Variants in TENM3 observed in about 807,000 individuals in gnomAD.
TENM3 encodes the protein teneurin-3.
In TENM3, 63 loss-of-function variants were observed where a neutral mutation model predicts 255.1. That is an observed-to-expected ratio of 0.25 (90% CI 0.20 to 0.30). TENM3 has a LOEUF of 0.30. TENM3 is among the 10% of genes least tolerant of loss of function. The pLI, the probability that TENM3 is intolerant of heterozygous loss-of-function variation, is 1.00. For synonymous variants in TENM3, 1,306 were observed against 1,322.3 expected (o/e 0.99, Z 0.27); for missense variants, 2,929 against 3,461.1 (o/e 0.85, Z 3.86).
At chr4:182,221,756 C>A (rs1331640897) in intron 1 of TENM3, among the ~76,000 whole-genome samples, 1 of 152,158 alleles carries the variant, frequency 6.6e-6, no homozygotes, top group Non-Finnish European at 1.5e-5. Flanking sequence ...AAAATCCTGG[C>A]ATTTGATGTC....
At chr4:181,836,625 A>G in the TENM3 span, among the ~76,000 whole-genome samples, 10 of 152,052 alleles carry the variant, frequency 6.6e-5, no homozygotes, top group Non-Finnish European at 1.3e-4. Flanking sequence ...CTTGGATACT[A>G]CTCTATTTCA....
At chr4:181,924,842 A>G in the TENM3 span, among the ~76,000 whole-genome samples, 1 of 152,220 alleles carries the variant, frequency 6.6e-6, no homozygotes, top group South Asian at 2.1e-4. Flanking sequence ...ATACTGTGAC[A>G]TTGATTGCAA....
chr4:181,628,490 C>T, the TENM3 span, among the ~76,000 whole-genome samples: 1 of 152,072 alleles, frequency 6.6e-6, no homozygotes, highest in African/African-American at 2.4e-5. Flanking sequence ...GTCCTTAATC[C>T]ATCTTGAATT....
intron 24 of TENM3, among the ~76,000 whole-genome samples, chr4:182,783,647 G>A (rs1262648374): frequency 1.3e-5 from 2 of 151,892 alleles, no homozygotes; most frequent in Non-Finnish European, 2.9e-5. Context: ...ATCCTGCAGA[G>A]TGTTTTCCAA....
At chr4:182,284,234 G>T (rs181809955) in intron 1 of TENM3, among the ~76,000 whole-genome samples, 2 of 152,088 alleles carry the variant, frequency 1.3e-5, no homozygotes, top group African/African-American at 4.8e-5. Flanking sequence ...GCATGAAATC[G>T]GAGCATTGCC....
rs1762616131 is a variant in TENM3 at position 182,754,857 on chromosome 4, C to G, written c.4490C>G (p.Ala1497Gly). Residue 1497 changes from alanine to glycine, a missense_variant, in exon 22 of 28, where the codon GCT becomes GGT. Around this residue, in one of 6 missense-constraint regions of TENM3, gnomAD observed 1,608 missense variants for 1,884.4 expected, o/e 0.85. Transcript: ENST00000511685. The surrounding 1 kb of genome is among the most constrained non-coding windows in gnomAD (Gnocchi z 5.1). ...IADLGNIRIR[A>G]VSKNKPLLNS... ...GATCTAGGGAATATCCGGATCCGGG[C>G]TGTGTCAAAGAATAAGCCTTTACTT... The G allele has an allele frequency of 6.2e-7, 1 of 1,614,004 alleles. No homozygotes were observed. The highest frequency in any genetic ancestry group is 1.1e-5 in the South Asian group (1 of 91,086).
intron 3 of TENM3, among the ~76,000 whole-genome samples, chr4:182,384,404 G>A (rs749822354): frequency 4.0e-5 from 6 of 151,552 alleles, no homozygotes; most frequent in Non-Finnish European, 8.8e-5. Context: ...AGGTGTCACT[G>A]AGGAGTTTTA....
intron 3 of TENM3, among the ~76,000 whole-genome samples, chr4:182,591,176 A>G (rs932616548): frequency 1.3e-5 from 2 of 152,204 alleles, no homozygotes; most frequent in African/African-American, 4.8e-5. Context: ...TATAGCAAGG[A>G]AGTTGGCAGT....
At chr4:182,082,227 A>G in the TENM3 span, among the ~76,000 whole-genome samples, 1 of 152,164 alleles carries the variant, frequency 6.6e-6, no homozygotes. Context: ...TCTTGTTCGT[A>G]GGTGGCACCT....
At chr4:182,781,895 G>C in intron 24 of TENM3, among the ~76,000 whole-genome samples, 1 of 150,726 alleles carries the variant, frequency 6.6e-6, no homozygotes, top group South Asian at 2.1e-4. Context: ...GGGATCGGTG[G>C]TGATATCCCC....
At chr4:181,963,675 G>A in the TENM3 span, among the ~76,000 whole-genome samples, 3 of 152,208 alleles carry the variant, frequency 2.0e-5, no homozygotes, top group Admixed American at 6.5e-5. Flanking sequence ...TCAATGAACT[G>A]TGTATATTAA....
chr4:181,985,806 AT>A, the TENM3 span, among the ~76,000 whole-genome samples: 1 of 152,082 alleles, frequency 6.6e-6, no homozygotes, highest in South Asian at 2.1e-4. Context: ...TTTGAATATG[AT>A]TTAGTGGTTG....
rs1755979206 is a variant in TENM3, at chr4:182,679,746, G to T, written c.1407G>T (p.Gly469=). ...GCCTGCTTGAGACGGAGAGAGCCGGGCGGCAGGCGAGATCCGTCAGCCTTC... is the reference window on the plus strand; with the variant it reads ...GCCTGCTTGAGACGGAGAGAGCCGGTCGGCAGGCGAGATCCGTCAGCCTTC... ...QRSLLETERA[G]RQARSVSLHE... Residue 469 remains glycine, a synonymous_variant, in exon 8 of 28, where the codon GGG becomes GGT. Coordinates refer to ENST00000511685, the MANE Select transcript of TENM3 (RefSeq NM_001080477.4). 6.2e-7 allele frequency: 1 copy of T among 1,613,754 alleles called. No individual in the cohort carries two copies. The highest frequency in any genetic ancestry group is 8.5e-7 in the Non-Finnish European group (1 of 1,179,904).
At chr4:181,792,963 GTT>G in the TENM3 span, among the ~76,000 whole-genome samples, 1 of 148,182 alleles carries the variant, frequency 6.7e-6, no homozygotes, top group Non-Finnish European at 1.5e-5. Context: ...GTTATAGACG[GTT>G]TTTTTTTTCC....
chr4:181,615,728 T>C, the TENM3 span, among the ~76,000 whole-genome samples: 1 of 152,206 alleles, frequency 6.6e-6, no homozygotes, highest in African/African-American at 2.4e-5. Flanking sequence ...GGTCAGAGGG[T>C]ACCTCGTGAA....
chr4:181,579,979 ATTTTATTTTATTTTATTTTATTTTATT>A, the TENM3 span, among the ~76,000 whole-genome samples: 2 of 115,942 alleles, frequency 1.7e-5, no homozygotes, highest in South Asian at 5.3e-4. Context: ...ATTTTATTTT[ATTTTATTTTATTTTATTTTATTTTATT>A]TATTTTTTGA....
chr4:182,381,079 G>C (rs1329854132), intron 3 of TENM3, among the ~76,000 whole-genome samples: 1 of 152,218 alleles, frequency 6.6e-6, no homozygotes, highest in Non-Finnish European at 1.5e-5. Context: ...TGAGGGAGGG[G>C]TGTGCTCTGA....
intron 4 of TENM3, among the ~76,000 whole-genome samples, chr4:182,618,577 G>A (rs1176081108): frequency 1.3e-5 from 2 of 150,792 alleles, no homozygotes; most frequent in Non-Finnish European, 3.0e-5. Context: ...AATCAAAAGT[G>A]AACAGCTACT....
rs1762640805 is a variant in TENM3 at position 182,755,229 on chromosome 4, G to C, written c.4862G>C (p.Ser1621Thr). 6.2e-7 allele frequency: 1 copy of C among 1,607,446 alleles called. No homozygotes were observed. The highest frequency in any genetic ancestry group is 8.5e-7 in the Non-Finnish European group (1 of 1,179,156). ...HGNSGLLATK[S>T]DETGWTTFFD... ...AATAGTGGCCTTTTAGCCACTAAAA[G>C]TGATGAAACTGGATGGACAACGTTT... Residue 1621 changes from serine (S) to threonine (T), a missense_variant, in exon 22 of 28, where the codon AGT becomes ACT. This residue lies in a region of TENM3 where 1,608 missense variants were observed against 1,884.4 expected (regional missense o/e 0.85). Transcript: ENST00000511685.
Sources: gnomAD v4.1 joint callset for allele counts (sites outside exome capture counted in the v4.1 genomes callset) on GRCh38, gnomAD v4.1.1 for gene constraint, gnomAD v4.1.1 regional missense constraint, Gnocchi (gnomAD v3.1) non-coding constraint, MANE v1.5 for transcripts, NCBI Gene and HGNC (gene_info 2026-07-23, HGNC 2026-07-21) for gene names.